ST18: variants seen among roughly 807,000 people sequenced by gnomAD.
The protein encoded by ST18 is suppression of tumorigenicity 18 protein.
A neutral mutation model predicts 110.0 loss-of-function variants in ST18; 50 were observed. The ratio of observed to expected loss-of-function variants is 0.45; its 90% confidence interval spans 0.36 to 0.58. The LOEUF (loss-of-function observed/expected upper bound fraction) is 0.58. Among genes scored for constraint, ST18 ranks in the 20% least tolerant of loss-of-function variants. The probability of loss-of-function intolerance (pLI) is 0.00; values close to 1 mark genes in which losing one functional copy is unlikely to be tolerated. For synonymous variants in ST18, 461 were observed against 452.4 expected, an observed-to-expected ratio of 1.02 and a Z score of -0.24; for missense variants, 1,306 against 1,280.1, an observed-to-expected ratio of 1.02 and a Z score of -0.31.
chr8:52,198,988 C>G (rs1265416637), intron 8 of ST18, among the ~76,000 whole-genome samples: 1 of 152,212 alleles, frequency 6.6e-6, no homozygotes, highest in Non-Finnish European at 1.5e-5. Context: ...TTAGCCCCAA[C>G]ACTGCTTCTG....
chr8:52,259,213 G>A (rs56044387), intron 2 of ST18, among the ~76,000 whole-genome samples: 1 of 152,094 alleles, frequency 6.6e-6, no homozygotes, highest in African/African-American at 2.4e-5. Flanking sequence ...GGGTCAACTG[G>A]ACCCCAAGCT....
chr8:52,349,566 A>G (rs1819315174), intron 2 of ST18, among the ~76,000 whole-genome samples: 1 of 152,184 alleles, frequency 6.6e-6, no homozygotes, highest in African/African-American at 2.4e-5. Flanking sequence ...CTTTTCCTAT[A>G]CCTAAGTAGT....
At chr8:52,343,271 G>A (rs1272142489) in intron 2 of ST18, among the ~76,000 whole-genome samples, 1 of 152,140 alleles carries the variant, frequency 6.6e-6, no homozygotes, top group African/African-American at 2.4e-5. Flanking sequence ...AAAGCTTCAG[G>A]AGAGTTGGGT....
At chr8:52,351,675 A>G (rs761406593) in intron 2 of ST18, among the ~76,000 whole-genome samples, 1 of 152,266 alleles carries the variant, frequency 6.6e-6, no homozygotes. Context: ...AGAGAAAAAT[A>G]CTTTTAAAAA....
Position 52,172,014 on chromosome 8 carries a change from T to C in ST18, c.847A>G (p.Ser283Gly), listed in dbSNP as rs781521854. The C allele has an allele frequency of 1.9e-6, 3 of 1,614,260 alleles. No homozygotes were observed. Among genetic ancestry groups the C allele is most frequent in the Non-Finnish European group, 2.5e-6 (3 of 1,180,040 alleles). The change falls in exon 10 of 26, where the codon AGC becomes GGC. Residue 283 changes from serine (S) to glycine (G), a missense_variant. By Grantham distance (56) the Ser-to-Gly change is moderately conservative (BLOSUM62 0). Coordinates refer to ENST00000689386, the MANE Select transcript of ST18 (RefSeq NM_001352837.2). ...PSFPDVEEED[S>G]ESLAVMTEEG... ...TCCGTCATTACTGCCAGGCTCTCGC[T>C]ATCTTCCTCCTCAACGTCAGGGAAT...
At chr8:52,227,803 C>T (rs1412798544) in intron 3 of ST18, among the ~76,000 whole-genome samples, 1 of 152,140 alleles carries the variant, frequency 6.6e-6, no homozygotes, top group African/African-American at 2.4e-5. Flanking sequence ...ATGGCACTCT[C>T]ATCTTGATGA....
At chr8:52,361,035 T>G (rs1417412654) in intron 2 of ST18, among the ~76,000 whole-genome samples, 1 of 152,216 alleles carries the variant, frequency 6.6e-6, no homozygotes, top group Non-Finnish European at 1.5e-5. Context: ...TCTCTTACCA[T>G]TGACTACTTT....
chr8:52,401,253 C>A (rs1326454283), intron 2 of ST18, among the ~76,000 whole-genome samples: 1 of 152,010 alleles, frequency 6.6e-6, no homozygotes, highest in African/African-American at 2.4e-5. Flanking sequence ...TTTTTAAATT[C>A]TCTCTGTGTC....
chr8:52,280,587 A>T lies in ST18; in HGVS notation c.-464-50510T>A, dbSNP rs2095357368. 2.0e-5 allele frequency among the ~76,000 whole-genome samples: 3 copies of T among 152,072 alleles called. No homozygotes were observed. The South Asian group carries it at 6.2e-4, about 31-fold the overall frequency. ...AGTATATTAATATCAGGCAAAATTG[A>T]TTCAAAAGCAAAGGCATTATTAAAT... On this transcript the variant is annotated intron_variant, in intron 2 of 25. Coordinates refer to ENST00000689386, the MANE Select transcript of ST18 (RefSeq NM_001352837.2).
At chr8:52,124,786 C>A (rs527502436) in intron 23 of ST18, among the ~76,000 whole-genome samples, 1 of 152,028 alleles carries the variant, frequency 6.6e-6, no homozygotes, top group Non-Finnish European at 1.5e-5. Flanking sequence ...AGGTGAGGAC[C>A]CATGGAGGGA....
intron 2 of ST18, among the ~76,000 whole-genome samples, chr8:52,332,133 T>C (rs1809761575): frequency 6.6e-6 from 1 of 152,070 alleles, no homozygotes; most frequent in African/African-American, 2.4e-5. Flanking sequence ...ATTATAAGTA[T>C]AACCACTCAT....
At chr8:52,388,973 T>TAAA (rs61317264) in intron 2 of ST18, among the ~76,000 whole-genome samples, 105,562 of 142,562 alleles carry the variant, frequency 0.74, 43,737 homozygotes, top group Non-Finnish European at 0.93. Context: ...AATAATAATT[T>TAAA]AAAAAAAAAA....
chr8:52,146,945 A>G (rs1184694838), intron 16 of ST18, among the ~76,000 whole-genome samples: 1 of 152,222 alleles, frequency 6.6e-6, no homozygotes, highest in African/African-American at 2.4e-5. Flanking sequence ...CATTTAGCTT[A>G]AACAAATATT....
chr8:52,133,515 G>A (rs1305910974), intron 19 of ST18, among the ~76,000 whole-genome samples: 2 of 151,844 alleles, frequency 1.3e-5, no homozygotes, highest in Admixed American at 1.3e-4. Context: ...ATTATCTTTT[G>A]GTTAATAATC....
intron 2 of ST18, among the ~76,000 whole-genome samples, chr8:52,336,983 T>C (rs369552484): frequency 3.3e-5 from 5 of 152,330 alleles, no homozygotes; most frequent in African/African-American, 1.2e-4. Context: ...ACCATCTACC[T>C]TCATTGTGTA....
At chr8:52,197,594 T>G (rs1003043593) in intron 8 of ST18, among the ~76,000 whole-genome samples, 6 of 152,148 alleles carry the variant, frequency 3.9e-5, no homozygotes, top group Non-Finnish European at 8.8e-5. Flanking sequence ...ATGAATAAAG[T>G]ACAGATGTCC....
At chr8:52,181,651 C>T (rs565655614) in intron 8 of ST18, among the ~76,000 whole-genome samples, 7 of 152,186 alleles carry the variant, frequency 4.6e-5, no homozygotes, top group Admixed American at 4.6e-4. Flanking sequence ...TGTAAAGTAA[C>T]CAAGTACAGA....
intron 16 of ST18, among the ~76,000 whole-genome samples, chr8:52,145,711 G>A (rs2132245875): frequency 6.6e-6 from 1 of 152,298 alleles, no homozygotes; most frequent in South Asian, 2.1e-4. Flanking sequence ...GTACATGCAT[G>A]CAATGAAATT....
chr8:52,123,260 TA>T (rs1445667197), intron 23 of ST18, among the ~76,000 whole-genome samples: 1 of 152,212 alleles, frequency 6.6e-6, no homozygotes, highest in Non-Finnish European at 1.5e-5. Flanking sequence ...TTCAGCTAAT[TA>T]CATGAATGAT....
Sources: allele counts gnomAD v4.1 joint callset (sites outside exome capture counted in the v4.1 genomes callset), GRCh38; gene constraint gnomAD v4.1.1; transcripts MANE v1.5; gene names NCBI Gene and HGNC (gene_info 2026-07-23, HGNC 2026-07-21).